The following STPG2 variants were observed in gnomAD, a reference collection of about 807,000 sequenced individuals.
STPG2 encodes sperm tail PG-rich repeat containing 2.
Under a neutral mutation model 54.2 loss-of-function variants are expected in STPG2, and 56 were observed. The ratio of observed to expected loss-of-function variants is 1.03; its 90% CI spans 0.83 to 1.29. The LOEUF (loss-of-function observed/expected upper bound fraction) is 1.29, where lower values mean the gene tolerates loss of function less well. STPG2 is among the 50% of genes most tolerant of loss of function. The pLI, the probability that STPG2 is intolerant of heterozygous loss-of-function variation, is 0.00. For synonymous variants in STPG2, 200 were observed against 181.8 expected, an observed-to-expected ratio of 1.10 and a Z score of -0.81; for missense variants, 596 against 544.9, an observed-to-expected ratio of 1.09 and a Z score of -0.93.
chr4:98,104,104 A>C (rs559263143), intron 5 of STPG2, among the ~76,000 whole-genome samples: 1 of 152,222 alleles, frequency 6.6e-6, no homozygotes, highest in South Asian at 2.1e-4. Flanking sequence ...GCCTTTTCCT[A>C]CTTGCTTGCC....
At chr4:98,074,529 T>TC (rs759053557) in intron 5 of STPG2, among the ~76,000 whole-genome samples, 4 of 152,212 alleles carry the variant, frequency 2.6e-5, no homozygotes, top group Admixed American at 2.0e-4. Flanking sequence ...TCCCATTCTC[T>TC]CCCTTCTCTC....
At chr4:98,018,864 T>C (rs530763564) in intron 5 of STPG2, among the ~76,000 whole-genome samples, 3 of 151,908 alleles carry the variant, frequency 2.0e-5, no homozygotes, top group African/African-American at 7.2e-5. Flanking sequence ...TTGATGGGGT[T>C]GTTTGTTTTT....
At chr4:97,525,307 T>C (rs1040554629) in intron 4 of STPG2, among the ~76,000 whole-genome samples, 8 of 152,024 alleles carry the variant, frequency 5.3e-5, no homozygotes, top group Admixed American at 1.3e-4. Context: ...GGGGCAGCTA[T>C]AACCTCAATA....
chr4:97,938,491 C>T (rs952980874), intron 8 of STPG2, among the ~76,000 whole-genome samples: 4 of 73,360 alleles, frequency 5.5e-5, no homozygotes, highest in South Asian at 4.7e-4. Context: ...GCCACAGTGA[C>T]GATGGCCACC....
intron 4 of STPG2, among the ~76,000 whole-genome samples, chr4:97,464,272 A>C (rs1439608389): frequency 6.6e-6 from 1 of 152,210 alleles, no homozygotes; most frequent in Non-Finnish European, 1.5e-5. Flanking sequence ...TACGCAGTAT[A>C]ACAACTACTT....
At chr4:98,020,719 A>T (rs184611961) in intron 5 of STPG2, among the ~76,000 whole-genome samples, 2 of 152,266 alleles carry the variant, frequency 1.3e-5, no homozygotes, top group East Asian at 1.9e-4. Context: ...CTATTCAGAG[A>T]TTCAACTTCT....
intron 8 of STPG2, among the ~76,000 whole-genome samples, chr4:97,903,714 G>C (rs1156767179): frequency 2.6e-5 from 4 of 152,182 alleles, no homozygotes; most frequent in Non-Finnish European, 1.5e-5. Flanking sequence ...GGGAGTGCCA[G>C]ACAGTGGGCG....
rs112292768 is a variant in STPG2, at chr4:97,492,636, T to G, written c.462+220063A>C. Among the ~76,000 whole-genome samples, 733 of 138,372 alleles carry G rather than the reference T, an allele frequency of 5.3e-3. 4 individuals are homozygous for G. The highest frequency in any genetic ancestry group is 0.023 in the African/African-American group (683 of 29,668). The allele number at this position is 138,372 out of a possible 152,430, so 90.8% of individuals were successfully genotyped here. On this transcript the variant is annotated intron_variant, in intron 4 of 4. Transcript: ENST00000522676. ...TGTAGTCAGTTGAATGCTCATTCAA[T>G]GATAAAAACTTTTTTTTTTTCTATA...
At chr4:98,000,815 T>C (rs1280163109) in intron 5 of STPG2, among the ~76,000 whole-genome samples, 1 of 152,162 alleles carries the variant, frequency 6.6e-6, no homozygotes, top group Non-Finnish European at 1.5e-5. Flanking sequence ...AAAAATTTAA[T>C]TGGTGACAGG....
intron 9 of STPG2, among the ~76,000 whole-genome samples, chr4:97,713,697 C>A (rs918053691): frequency 6.6e-6 from 1 of 152,126 alleles, no homozygotes; most frequent in South Asian, 2.1e-4. Flanking sequence ...TACTCACTTG[C>A]CCTCTGCTCC....
At chr4:97,998,114 G>C (rs981236786) in intron 5 of STPG2, among the ~76,000 whole-genome samples, 3 of 152,188 alleles carry the variant, frequency 2.0e-5, no homozygotes, top group African/African-American at 7.2e-5. Context: ...AGTCATGATA[G>C]ATTGTCTACA....
chr4:97,884,060 C>A (rs138440848), intron 8 of STPG2, among the ~76,000 whole-genome samples: 1 of 151,994 alleles, frequency 6.6e-6, no homozygotes, highest in Admixed American at 6.6e-5. Context: ...GTCCACAATA[C>A]GTTCTGGAGA....
At chr4:98,044,104 T>G (rs116357803) in intron 5 of STPG2, among the ~76,000 whole-genome samples, 2,288 of 152,264 alleles carry the variant, frequency 0.015, 57 homozygotes, top group African/African-American at 0.052. Flanking sequence ...TCACAATATA[T>G]GCTATTGCTG....
intron 9 of STPG2, among the ~76,000 whole-genome samples, chr4:97,808,361 G>A (rs1405299226): frequency 6.6e-6 from 1 of 151,906 alleles, no homozygotes; most frequent in Admixed American, 6.6e-5. Flanking sequence ...ATAGTGTTCT[G>A]GCATTATTGA....
intron 8 of STPG2, among the ~76,000 whole-genome samples, chr4:97,868,514 C>T (rs113368601): frequency 5.5e-4 from 84 of 151,916 alleles, no homozygotes; most frequent in Middle Eastern, 6.8e-3. Context: ...CATAGGCCCA[C>T]GGTTATAATT....
intron 10 of STPG2, among the ~76,000 whole-genome samples, chr4:97,585,118 A>G (rs1407426454): frequency 7.2e-6 from 1 of 139,626 alleles, no homozygotes; most frequent in Admixed American, 6.9e-5. Context: ...AAAAAAAAAA[A>G]AAAAAACAAA....
intron 8 of STPG2, among the ~76,000 whole-genome samples, chr4:97,848,810 AG>A (rs1471023915): frequency 2.7e-5 from 4 of 150,374 alleles, no homozygotes; most frequent in African/African-American, 9.8e-5. Flanking sequence ...AGATAGTTGT[AG>A]GTATGCGGCG....
chr4:97,970,600 T>C (rs2149255885), intron 7 of STPG2, among the ~76,000 whole-genome samples: 1 of 152,324 alleles, frequency 6.6e-6, no homozygotes, highest in African/African-American at 2.4e-5. Context: ...GAAAACTGGC[T>C]AGCCATATGT....
At chr4:97,545,896 C>T (rs1314068436) in intron 4 of STPG2, among the ~76,000 whole-genome samples, 1 of 152,008 alleles carries the variant, frequency 6.6e-6, no homozygotes, top group Non-Finnish European at 1.5e-5. Context: ...ATTTATGTAT[C>T]TCTTTGTGCA....
Sources: allele counts gnomAD v4.1 joint callset (sites outside exome capture counted in the v4.1 genomes callset), GRCh38; gene constraint gnomAD v4.1.1; transcripts MANE v1.5; gene names NCBI Gene and HGNC (gene_info 2026-07-23, HGNC 2026-07-21).